PTPN20: variants seen among roughly 807,000 people sequenced by gnomAD.
The protein encoded by PTPN20 is tyrosine-protein phosphatase non-receptor type 20.
Under a neutral mutation model 35.0 loss-of-function variants are expected in PTPN20, and 9 were observed. The observed-to-expected ratio is 0.26, with a 90% CI of 0.15 to 0.45. The LOEUF is 0.45. Among genes scored for constraint, PTPN20 ranks in the 20% least tolerant of loss-of-function variants. The pLI, the probability that PTPN20 is intolerant of heterozygous loss-of-function variation, is 1.00. For synonymous variants in PTPN20, 32 were observed against 100.2 expected (o/e 0.32, Z 4.06); for missense variants, 111 against 312.5 (o/e 0.36, Z 4.86).
chr10:46,953,409 T>C (rs1391550680), intron 5 of PTPN20, among the ~76,000 whole-genome samples: 2 of 143,736 alleles, frequency 1.4e-5, no homozygotes, highest in Admixed American at 6.8e-5. Context: ...TTTTTTGACT[T>C]ACTAACTTAT....
chr10:46,939,867 C>T (rs1159023826), intron 2 of PTPN20, among the ~76,000 whole-genome samples: 14 of 151,748 alleles, frequency 9.2e-5, no homozygotes, highest in Non-Finnish European at 1.9e-4. Flanking sequence ...CTTTTTAACA[C>T]ACATTCAGGA....
intron 9 of PTPN20, among the ~76,000 whole-genome samples, chr10:46,992,266 G>A (rs2058124075): frequency 6.6e-6 from 1 of 151,606 alleles, no homozygotes; most frequent in African/African-American, 2.4e-5. Flanking sequence ...GGGACTACAA[G>A]CGCGTGCCAC....
chr10:47,000,841 C>T lies in PTPN20; in HGVS notation c.*100C>T. 1 of 1,393,912 alleles carries T rather than the reference C, an allele frequency of 7.2e-7. No individual in the cohort carries two copies. Among genetic ancestry groups the T allele is most frequent in the Non-Finnish European group, 1.0e-6 (1 of 980,254 alleles). The allele number at this position is 1,393,912 out of a possible 1,614,324, so 86.3% of individuals were successfully genotyped here. On this transcript the variant is annotated 3_prime_UTR_variant, in exon 11 of 11. Coordinates refer to ENST00000374339, the MANE Select transcript of PTPN20 (RefSeq NM_001042357.5). Reference sequence around the variant, plus strand: ...GTGCTGAAGGGCTTTGCTATGCATACAATCTGCTTTCTTGGTTTATCAGTT... The same window carrying T: ...GTGCTGAAGGGCTTTGCTATGCATATAATCTGCTTTCTTGGTTTATCAGTT...
At chr10:46,994,586 G>C (rs1346683529) in intron 9 of PTPN20, among the ~76,000 whole-genome samples, 1 of 151,832 alleles carries the variant, frequency 6.6e-6, no homozygotes, top group East Asian at 1.9e-4. Context: ...CGCCCGCCTC[G>C]GCCTCCCAAA....
chr10:46,960,546 C>T (rs1314285351), intron 5 of PTPN20, among the ~76,000 whole-genome samples: 1 of 151,254 alleles, frequency 6.6e-6, no homozygotes, highest in Non-Finnish European at 1.5e-5. Flanking sequence ...TCCATTTGTT[C>T]ATGTATATTG....
rs1188722738 is a variant in PTPN20 at position 47,002,278 on chromosome 10, CA to C, written c.*1538del. 16 of 152,176 alleles carry C rather than the reference CA, an allele frequency of 1.1e-4. No individual in the cohort carries two copies. Among genetic ancestry groups the C allele is most frequent in the African/African-American group, 3.9e-4 (16 of 41,408 alleles). The allele number at this position is 152,176 out of a possible 1,614,324, so 9.4% of individuals were successfully genotyped here. A position where few individuals can be genotyped will look rare whatever the true frequency, so the allele number is the denominator to read the frequency against. On this transcript the variant is annotated 3_prime_UTR_variant, in exon 11 of 11. Coordinates refer to ENST00000374339, the MANE Select transcript of PTPN20 (RefSeq NM_001042357.5). ...AGCTATAATGTATAACAATTTTCTT[CA>C]GAAGAATTCTATGCTATTATTAAAA... is the stretch of plus-strand genomic sequence containing the variant.
chr10:46,975,922 A>C (rs1318166408), intron 7 of PTPN20, among the ~76,000 whole-genome samples: 1 of 151,480 alleles, frequency 6.6e-6, no homozygotes, highest in African/African-American at 2.4e-5. Flanking sequence ...CGGCCTCCCA[A>C]AGTGCTGGGA....
chr10:46,999,878 T>G (rs782192871), intron 9 of PTPN20, 34 bp from the exon 10 acceptor site: 69 of 1,612,346 alleles, frequency 4.3e-5, no homozygotes, highest in Non-Finnish European at 5.9e-5. Flanking sequence ...TTCCCCCATG[T>G]GGATCATACA....
intron 1 of PTPN20, chr10:46,921,002 C>T: frequency 7.2e-6 from 1 of 138,724 alleles, no homozygotes; most frequent in East Asian, 2.0e-4. Flanking sequence ...GTCGAAACCA[C>T]TACCAATTTC....
At chr10:46,918,720 C>T (rs1171462989) in intron 1 of PTPN20, among the ~76,000 whole-genome samples, 11 of 139,472 alleles carry the variant, frequency 7.9e-5, no homozygotes, top group Non-Finnish European at 4.5e-5. Context: ...ATTTTAATTC[C>T]ATTTTTAAAA....
chr10:46,945,267 T>C (rs2044380023), intron 4 of PTPN20, among the ~76,000 whole-genome samples: 1 of 152,120 alleles, frequency 6.6e-6, no homozygotes, highest in Admixed American at 6.5e-5. Context: ...ACGGAGGGTC[T>C]TTTTGTTTTA....
intron 9 of PTPN20, among the ~76,000 whole-genome samples, chr10:46,998,284 T>C (rs937696472): frequency 6.6e-6 from 1 of 152,176 alleles, no homozygotes; most frequent in South Asian, 2.1e-4. Context: ...TCATGGAATA[T>C]TATTTAGCAA....
Position 46,940,603 on chromosome 10 carries a change from T to C in PTPN20, c.35-20T>C, listed in dbSNP as rs1290098213. On this transcript the variant is annotated intron_variant, in intron 2 of 10. Transcript: ENST00000374339. ...ATAGTGTTTTCTATTTGATCAGTTT[T>C]TCCCCCCGCCTTTGTTCAGTAAACG... is the stretch of plus-strand genomic sequence containing the variant. 4 of 1,599,656 alleles carry C rather than the reference T, an allele frequency of 2.5e-6. No individual in the cohort carries two copies. The highest frequency in any genetic ancestry group is 2.2e-5 in the East Asian group (1 of 44,692).
At chr10:46,947,036 A>G (rs1388621099) in intron 5 of PTPN20, among the ~76,000 whole-genome samples, 1 of 148,132 alleles carries the variant, frequency 6.8e-6, no homozygotes, top group Admixed American at 6.8e-5. Flanking sequence ...AAATAATAAC[A>G]TTTTTGGATT....
chr10:46,995,479 T>C (rs1482463473), intron 9 of PTPN20, among the ~76,000 whole-genome samples: 1 of 151,944 alleles, frequency 6.6e-6, no homozygotes, highest in African/African-American at 2.4e-5. Context: ...AAAGGAGATA[T>C]CATGGCAGTG....
intron 5 of PTPN20, among the ~76,000 whole-genome samples, chr10:46,949,153 G>A (rs1291188168): frequency 3.3e-5 from 5 of 152,078 alleles, no homozygotes; most frequent in East Asian, 1.9e-4. Context: ...ACGCATTTTC[G>A]ACCATGACAG....
intron 9 of PTPN20, among the ~76,000 whole-genome samples, chr10:46,993,394 C>T (rs1199269353): frequency 5.9e-5 from 9 of 152,206 alleles, no homozygotes; most frequent in Admixed American, 6.5e-5. Context: ...ATCCTCTGTG[C>T]TTGGGAGTCA....
Position 46,999,925 on chromosome 10 carries a change from A to G in PTPN20, c.1148A>G (p.Asp383Gly). 5.6e-6 allele frequency: 9 copies of G among 1,613,764 alleles called. No individual in the cohort carries two copies. The highest frequency in any genetic ancestry group is 7.6e-6 in the Non-Finnish European group (9 of 1,179,718). ...ATCTTATTACAGTTCAACATCATGG[A>G]TATAGTGGCCCAAATGAGAGAACAA... Reference protein sequence around the residue: ...IVKNCSFNIMDIVAQMREQRS... With the variant: ...IVKNCSFNIMGIVAQMREQRS... Residue 383 changes from aspartate to glycine, a missense_variant, in exon 10 of 11, where the codon GAT becomes GGT. Asp to Gly is a moderately conservative substitution (Grantham distance 94). Transcript: ENST00000374339.
intron 9 of PTPN20, among the ~76,000 whole-genome samples, chr10:46,994,586 G>A (rs1346683529): frequency 6.6e-6 from 1 of 151,832 alleles, no homozygotes; most frequent in Admixed American, 6.6e-5. Flanking sequence ...CGCCCGCCTC[G>A]GCCTCCCAAA....
Sources: gnomAD v4.1 joint callset for allele counts (sites outside exome capture counted in the v4.1 genomes callset) on GRCh38, gnomAD v4.1.1 for gene constraint, MANE v1.5 for transcripts, NCBI Gene and HGNC (gene_info 2026-07-23, HGNC 2026-07-21) for gene names.